Variants in PROS1 observed in about 807,000 individuals in gnomAD.
PROS1 encodes the protein vitamin K-dependent protein S.
A neutral mutation model predicts 75.9 loss-of-function variants in PROS1; 29 were observed. That is an observed-to-expected ratio of 0.38 (90% CI 0.28 to 0.52). The LOEUF (loss-of-function observed/expected upper bound fraction) is 0.52. PROS1 is among the 20% of genes least tolerant of loss of function. The pLI is 0.83. For missense variants in PROS1, 680 were observed against 810.3 expected, an observed-to-expected ratio of 0.84 and a Z score of 1.95; for synonymous variants, 245 against 280.6, an observed-to-expected ratio of 0.87 and a Z score of 1.27.
In PROS1 at chr3:93,892,924, C is replaced by A; in HGVS notation, c.1155+9G>T. 1 of 1,608,072 alleles carries A rather than the reference C, an allele frequency of 6.2e-7. No individual in the cohort carries two copies. The highest frequency in any genetic ancestry group is 8.5e-7 in the Non-Finnish European group (1 of 1,176,362). The stretch of plus-strand genomic sequence containing the variant: ...AGTGGGAAGATATTGATGAAATCTG[C>A]AAACGTACCATATTCCATAGACCAT... On this transcript the variant is annotated intron_variant, in intron 10 of 14. Coordinates refer to ENST00000394236, the MANE Select transcript of PROS1 (RefSeq NM_000313.4).
chr3:93,917,385 C>T (rs572954525), intron 3 of PROS1, among the ~76,000 whole-genome samples: 1 of 152,214 alleles, frequency 6.6e-6, no homozygotes, highest in Non-Finnish European at 1.5e-5. Flanking sequence ...CCGCAACCTC[C>T]ACCTCCTGGG....
chr3:93,947,654 C>T (rs1251304905), intron 1 of PROS1, among the ~76,000 whole-genome samples: 1 of 152,042 alleles, frequency 6.6e-6, no homozygotes, highest in Non-Finnish European at 1.5e-5. Context: ...GCAAGCTCCA[C>T]CGCCCAGGTT....
chr3:93,884,130 T>A (rs1157557196), intron 12 of PROS1, among the ~76,000 whole-genome samples: 1 of 152,240 alleles, frequency 6.6e-6, no homozygotes, highest in African/African-American at 2.4e-5. Flanking sequence ...CAGTCTCTAC[T>A]GTTATACGTA....
At chr3:93,926,348 T>C (rs1245995441) in intron 2 of PROS1, among the ~76,000 whole-genome samples, 1 of 152,126 alleles carries the variant, frequency 6.6e-6, no homozygotes, top group Non-Finnish European at 1.5e-5. Flanking sequence ...AAAGTAACAG[T>C]GGGCCGGGCG....
At chr3:93,908,551 C>T (rs1322674093) in intron 4 of PROS1, among the ~76,000 whole-genome samples, 1 of 152,052 alleles carries the variant, frequency 6.6e-6, no homozygotes, top group Non-Finnish European at 1.5e-5. Context: ...AAAGAGTCTC[C>T]AGAGATCTGC....
intron 10 of PROS1, among the ~76,000 whole-genome samples, chr3:93,889,403 TAC>T (rs1203719698): frequency 6.6e-6 from 1 of 152,218 alleles, no homozygotes; most frequent in African/African-American, 2.4e-5. Flanking sequence ...TGAATTATGA[TAC>T]ATTTACAATT....
chr3:93,903,301 T>C (rs1278136640), intron 6 of PROS1, among the ~76,000 whole-genome samples: 2 of 152,212 alleles, frequency 1.3e-5, no homozygotes, highest in Non-Finnish European at 2.9e-5. Context: ...AGCACTTTTG[T>C]AATCATTTAC....
intron 3 of PROS1, among the ~76,000 whole-genome samples, chr3:93,918,605 C>T (rs8178615): frequency 0.077 from 11,650 of 152,112 alleles, 557 homozygotes; most frequent in Middle Eastern, 0.2. Flanking sequence ...TAACACTCAC[C>T]GCGAGGGTCG....
chr3:93,951,403 G>C (rs1709493209), intron 1 of PROS1, among the ~76,000 whole-genome samples: 1 of 152,214 alleles, frequency 6.6e-6, no homozygotes, highest in Non-Finnish European at 1.5e-5. Context: ...TCTCTCGGCA[G>C]AAAATCTACA....
chr3:93,953,861 T>C (rs1239319846), intron 1 of PROS1, among the ~76,000 whole-genome samples: 1 of 152,198 alleles, frequency 6.6e-6, no homozygotes, highest in Non-Finnish European at 1.5e-5. Flanking sequence ...CTTAAGCTGA[T>C]AAGCAACTTC....
intron 1 of PROS1, among the ~76,000 whole-genome samples, chr3:93,953,730 A>T (rs572110721): frequency 6.6e-6 from 1 of 152,298 alleles, no homozygotes; most frequent in African/African-American, 2.4e-5. Context: ...TGGCCAGGGC[A>T]ATCAGGCAGG....
At chr3:93,927,923 A>ATGTATATATATATACT (rs1559941451) in intron 1 of PROS1, among the ~76,000 whole-genome samples, 14 of 134,256 alleles carry the variant, frequency 1.0e-4, no homozygotes, top group Non-Finnish European at 1.7e-4. Context: ...GTATATATAT[A>ATGTATATATATATACT]TGTGTATATA....
rs765366365 is a variant in PROS1 at position 93,884,943 on chromosome 3, A to C, written c.1324-47T>G. On this transcript the variant is annotated intron_variant, in intron 11 of 14. Transcript: ENST00000394236. ...CAAGGAGTGCATTTTAAACTTAAAC[A>C]GTGGCTCGATTATGAGTATAGGTTT... The C allele has an allele frequency of 2.6e-6, 4 of 1,520,992 alleles. No individual in the cohort carries two copies. In the South Asian group the frequency reaches 3.5e-5, roughly 13 times the overall value. 94.2% of individuals were successfully genotyped at this position (1,520,992 alleles called of 1,614,324 possible).
intron 1 of PROS1, among the ~76,000 whole-genome samples, chr3:93,956,623 T>C (rs1024907978): frequency 2.0e-5 from 3 of 149,608 alleles, no homozygotes; most frequent in Non-Finnish European, 4.4e-5. Context: ...CACAAGATAG[T>C]GGATACACAA....
rs1282633047 is a variant in PROS1, at chr3:93,973,806, G to C, written c.-57C>G. On this transcript the variant is annotated 5_prime_UTR_variant, in exon 1 of 15. Transcript: ENST00000394236. ...GTGGCGCGTCGCGGCGGGGACCGGAGCGCTAGGCGCCGCGGAGCTGCGAGC... is the reference window on the plus strand; with the variant it reads ...GTGGCGCGTCGCGGCGGGGACCGGACCGCTAGGCGCCGCGGAGCTGCGAGC... 1.4e-6 allele frequency: 2 copies of C among 1,472,268 alleles called. No homozygotes were observed. The highest frequency in any genetic ancestry group is 2.8e-5 in the African/African-American group (2 of 71,078). The allele number at this position is 1,472,268 out of a possible 1,614,324, so 91.2% of individuals were successfully genotyped here. A position where few individuals can be genotyped will look rare whatever the true frequency, so the allele number is the denominator to read the frequency against.
intron 1 of PROS1, among the ~76,000 whole-genome samples, chr3:93,945,442 C>T (rs1456607986): frequency 1.3e-5 from 2 of 152,158 alleles, no homozygotes; most frequent in East Asian, 3.8e-4. Context: ...TCCAGCAGCA[C>T]ATCAAAAAGC....
intron 1 of PROS1, among the ~76,000 whole-genome samples, chr3:93,954,948 T>G (rs1355287296): frequency 6.6e-6 from 1 of 152,200 alleles, no homozygotes; most frequent in Non-Finnish European, 1.5e-5. Context: ...AAAGAAGACA[T>G]TTATGCAGCC....
In PROS1 at chr3:93,875,003, T is replaced by A. The variant is rs572593674; in HGVS notation, c.1871-598A>T. Reference sequence around the variant, plus strand: ...TTTGGCCTCTCCTCTCCATTAATCTTAACTCACAATGGATATTCTTTAGCC... The same window carrying A: ...TTTGGCCTCTCCTCTCCATTAATCTAAACTCACAATGGATATTCTTTAGCC... On this transcript the variant is annotated intron_variant, in intron 14 of 14. Transcript: ENST00000394236. Among the ~76,000 whole-genome samples, 7 of 152,214 alleles carry A rather than the reference T, an allele frequency of 4.6e-5. No homozygotes were observed. In the South Asian group the frequency reaches 1.5e-3, roughly 32 times the overall value.
intron 12 of PROS1, 22 bp from the exon 13 acceptor site, chr3:93,879,336 A>T (rs1708241791): frequency 6.2e-7 from 1 of 1,612,696 alleles, no homozygotes; most frequent in Non-Finnish European, 8.5e-7. Context: ...AATGAAACAG[A>T]AGCATGATCA....
Sources: allele counts gnomAD v4.1 joint callset (sites outside exome capture counted in the v4.1 genomes callset), GRCh38; gene constraint gnomAD v4.1.1; transcripts MANE v1.5; gene names NCBI Gene and HGNC (gene_info 2026-07-23, HGNC 2026-07-21).